The following SHOC1 variants were observed in gnomAD, a reference collection of about 807,000 sequenced individuals.
SHOC1 encodes protein shortage in chiasmata 1 ortholog.
Under a neutral mutation model 179.2 loss-of-function variants are expected in SHOC1, and 136 were observed. That is an observed-to-expected ratio of 0.76 (90% CI 0.66 to 0.87). The LOEUF (loss-of-function observed/expected upper bound fraction) is 0.87, where lower values mean the gene tolerates loss of function less well. SHOC1 is among the 40% of genes least tolerant of loss of function. The probability of loss-of-function intolerance (pLI) is 0.00; values close to 1 mark genes in which losing one functional copy is unlikely to be tolerated. For missense variants in SHOC1, 1,538 were observed against 1,700.8 expected, an observed-to-expected ratio of 0.90 and a Z score of 1.68; for synonymous variants, 489 against 586.6, an observed-to-expected ratio of 0.83 and a Z score of 2.41.
At position 111,706,585 on chromosome 9, in the gene SHOC1, G is replaced by A; in HGVS notation, c.2720C>T (p.Pro907Leu). ...IPYMAFKVIL[P>L]DTVLERSTLL... ...ATTCTTACTTTCTAAAACTGTGTCT[G>A]GAAGAATCACTTTAAAGGCCATGTA... The change falls in exon 20 of 28, where the codon CCA (proline) becomes CTA (leucine). Residue 907 changes from proline (P) to leucine (L), a missense_variant. Physicochemically the swap from Pro to Leu is moderately conservative, Grantham distance 98. Transcript: ENST00000682961. 6.4e-7 allele frequency: 1 copy of A among 1,562,002 alleles called. No homozygotes were observed. The highest frequency in any genetic ancestry group is 8.7e-7 in the Non-Finnish European group (1 of 1,155,818).
chr9:111,791,353 A>C, intron 2 of SHOC1, 21 bp downstream of exon 2: 1 of 1,381,952 alleles, frequency 7.2e-7, no homozygotes, highest in South Asian at 1.7e-5. Flanking sequence ...GTAAATAGAC[A>C]GTAAGCCACT....
At chr9:111,729,769 G>C (rs192068202) in intron 12 of SHOC1, among the ~76,000 whole-genome samples, 162 of 152,122 alleles carry the variant, frequency 1.1e-3, no homozygotes, top group African/African-American at 3.8e-3. Flanking sequence ...GCGCATGCCT[G>C]TAGTCCCAGC....
intron 22 of SHOC1, among the ~76,000 whole-genome samples, chr9:111,702,460 G>A (rs1832024550): frequency 6.6e-6 from 1 of 152,176 alleles, no homozygotes; most frequent in African/African-American, 2.4e-5. Context: ...AATCTCCCGA[G>A]GTCCTAGATA....
intron 14 of SHOC1, among the ~76,000 whole-genome samples, chr9:111,722,982 A>G (rs935399309): frequency 3.3e-5 from 5 of 152,046 alleles, no homozygotes; most frequent in East Asian, 1.9e-4. Flanking sequence ...TTGTTTCATC[A>G]TCTTGTCCAG....
At chr9:111,792,883 T>A (rs992153972) in intron 1 of SHOC1, among the ~76,000 whole-genome samples, 1 of 148,224 alleles carries the variant, frequency 6.7e-6, no homozygotes, top group Non-Finnish European at 1.5e-5. Context: ...AGTGTATCAC[T>A]GATCTTTTTT....
intron 8 of SHOC1, among the ~76,000 whole-genome samples, chr9:111,752,965 C>T (rs1589443297): frequency 6.6e-6 from 1 of 152,076 alleles, no homozygotes; most frequent in Admixed American, 6.5e-5. Flanking sequence ...GTAATCCTAG[C>T]ACTTTGGGAG....
At chr9:111,723,146 A>C (rs926156318) in intron 14 of SHOC1, among the ~76,000 whole-genome samples, 4 of 152,216 alleles carry the variant, frequency 2.6e-5, no homozygotes, top group African/African-American at 4.8e-5. Flanking sequence ...AGACCCATAT[A>C]ACATGAACTG....
At chr9:111,774,242 T>C (rs984187430) in intron 5 of SHOC1, among the ~76,000 whole-genome samples, 1 of 152,004 alleles carries the variant, frequency 6.6e-6, no homozygotes, top group African/African-American at 2.4e-5. Context: ...GAAGAATATA[T>C]AATAGAAATA....
At chr9:111,687,946 C>T (rs1432594693) in intron 27 of SHOC1, among the ~76,000 whole-genome samples, 5 of 152,134 alleles carry the variant, frequency 3.3e-5, no homozygotes, top group African/African-American at 1.2e-4. Context: ...TCTTTAAAGG[C>T]ATGTCTGGAA....
intron 12 of SHOC1, among the ~76,000 whole-genome samples, chr9:111,733,264 AT>A (rs1250017132): frequency 6.6e-6 from 1 of 152,118 alleles, no homozygotes; most frequent in African/African-American, 2.4e-5. Context: ...ACTTTGTATT[AT>A]TTCCTTCCAA....
At chr9:111,694,628 AT>A (rs1245693161) in intron 24 of SHOC1, among the ~76,000 whole-genome samples, 1 of 152,086 alleles carries the variant, frequency 6.6e-6, no homozygotes, top group African/African-American at 2.4e-5. Flanking sequence ...TAACAGAGTC[AT>A]TAAAATATAG....
At chr9:111,718,319 A>G in intron 15 of SHOC1, 31 bp from the exon 16 acceptor site, 1 of 1,420,132 alleles carries the variant, frequency 7.0e-7, no homozygotes, top group Non-Finnish European at 9.7e-7. Flanking sequence ...TTTAAAACAT[A>G]GACTATACAT....
In SHOC1 at chr9:111,758,828, C is replaced by A; in HGVS notation, c.463G>T (p.Gly155Ter). ...QNQDLFIDDK[G>*]ILFVSSRKHL... Reference sequence around the variant, plus strand: ...TTTCTACTACTTACAAAAAGTATTCCTTTATCATCAATAAATAAATCTGAA... The same window carrying A: ...TTTCTACTACTTACAAAAAGTATTCATTTATCATCAATAAATAAATCTGAA... Residue 155 changes from glycine to a stop codon, truncating the protein, a stop_gained, in exon 6 of 28, where the codon GGA (glycine) becomes TGA (stop). Transcript: ENST00000682961. LOFTEE classifies it high-confidence loss of function. The A allele has an allele frequency of 6.5e-7, 1 of 1,527,840 alleles. No individual in the cohort carries two copies. The highest frequency in any genetic ancestry group is 2.3e-5 in the East Asian group (1 of 43,964). 94.6% of individuals were successfully genotyped at this position (1,527,840 alleles called of 1,614,324 possible). A position where few individuals can be genotyped will look rare whatever the true frequency, so the allele number is the denominator to read the frequency against.
In SHOC1 at chr9:111,722,484, C is replaced by T; in HGVS notation, c.2056G>A (p.Ala686Thr). 1 of 1,612,428 alleles carries T rather than the reference C, an allele frequency of 6.2e-7. No homozygotes were observed. Among genetic ancestry groups the T allele is most frequent in the South Asian group, 1.1e-5 (1 of 90,638 alleles). ...CTLPTANWKF[A>T]TVIFDQTRFL... ...CTTGTTTGGTCAAAAATAACAGTGG[C>T]AAATTTCCAATTAGCAGTAGGGAGG... The change falls in exon 15 of 28, where the codon GCC becomes ACC. Residue 686 changes from alanine to threonine, a missense_variant. Coordinates refer to ENST00000682961, the MANE Select transcript of SHOC1 (RefSeq NM_001378211.1).
intron 10 of SHOC1, among the ~76,000 whole-genome samples, chr9:111,742,734 C>T (rs1834100615): frequency 6.6e-6 from 1 of 152,126 alleles, no homozygotes. Flanking sequence ...CAGTGGAAAG[C>T]TAGGTTTTAT....
rs1478554410 is a variant in SHOC1 at position 111,785,953 on chromosome 9, A to G, written c.128T>C (p.Val43Ala). 1.8e-5 allele frequency: 28 copies of G among 1,525,728 alleles called. No homozygotes were observed. Among genetic ancestry groups the G allele is most frequent in the Non-Finnish European group, 2.1e-5 (24 of 1,137,118 alleles). The allele number at this position is 1,525,728 out of a possible 1,614,324, so 94.5% of individuals were successfully genotyped here. A position where few individuals can be genotyped will look rare whatever the true frequency, so the allele number is the denominator to read the frequency against. ...CCTAAATTTATTATCAGTAACTGCT[A>G]CATGGTAACTTTCATCTTGATATAA... ...SCLYQDESYH[V>A]AVTDNKFRRP... is the part of the protein sequence containing the mutation. Residue 43 changes from valine (V) to alanine (A), a missense_variant, in exon 3 of 28, where the codon GTA (valine) becomes GCA (alanine). By Grantham distance (64) the Val-to-Ala change is moderately conservative (BLOSUM62 0). Transcript: ENST00000682961.
intron 8 of SHOC1, among the ~76,000 whole-genome samples, chr9:111,751,392 C>A (rs1369010311): frequency 6.6e-6 from 1 of 152,076 alleles, no homozygotes; most frequent in Non-Finnish European, 1.5e-5. Context: ...GCAATTTTTG[C>A]ACATTGATTT....
At chr9:111,708,421 T>G (rs1446335551) in intron 18 of SHOC1, among the ~76,000 whole-genome samples, 3 of 152,078 alleles carry the variant, frequency 2.0e-5, no homozygotes, top group Non-Finnish European at 2.9e-5. Context: ...CAGGCTGGTC[T>G]TAAACTCCTG....
At chr9:111,694,026 C>A in intron 25 of SHOC1, 78 bp from the exon 26 acceptor site, 2 of 1,277,932 alleles carry the variant, frequency 1.6e-6, no homozygotes, top group South Asian at 1.4e-5. Context: ...AAGTACATTT[C>A]TTCCTAGAAA....
Sources: allele counts gnomAD v4.1 joint callset (sites outside exome capture counted in the v4.1 genomes callset), GRCh38; gene constraint gnomAD v4.1.1; transcripts MANE v1.5; gene names NCBI Gene and HGNC (gene_info 2026-07-23, HGNC 2026-07-21).